KIF26B: variants seen among roughly 807,000 people sequenced by gnomAD.
KIF26B encodes the protein kinesin family member 26B.
In KIF26B, 63 loss-of-function variants were observed where a neutral mutation model predicts 151.2. The observed-to-expected ratio is 0.42, with a 90% CI of 0.34 to 0.51. KIF26B has a LOEUF of 0.51. Ranked by LOEUF, KIF26B falls within the 20% of genes least tolerant of loss-of-function variation. KIF26B has a pLI of 0.07. For synonymous variants in KIF26B, 1,357 were observed against 1,262.1 expected (o/e 1.08, Z -1.59); for missense variants, 2,813 against 2,913.6 (o/e 0.97, Z 0.79).
chr1:245,488,620 C>T lies in KIF26B; in HGVS notation c.1167-52147C>T, dbSNP rs563295118. Among the ~76,000 whole-genome samples the T allele has an allele frequency of 2.0e-5, 3 of 152,318 alleles. No individual in the cohort carries two copies. In the South Asian group the frequency reaches 6.2e-4, roughly 32 times the overall value. The stretch of plus-strand genomic sequence containing the variant: ...ATCGGAGCCACAGATGCTATCACTC[C>T]TCTGCCGTGGCCCCATCCTCCTCTG... On this transcript the variant is annotated intron_variant, in intron 4 of 14. Transcript: ENST00000407071. This position sits in a 1 kb window ranked among gnomAD's most constrained non-coding sequence, Gnocchi z 4.6.
At chr1:245,578,493 G>A (rs2043146279) in intron 5 of KIF26B, among the ~76,000 whole-genome samples, 1 of 152,250 alleles carries the variant, frequency 6.6e-6, no homozygotes, top group South Asian at 2.1e-4. Flanking sequence ...CCTGGTCACA[G>A]CTGTAGAGGA....
At chr1:245,164,870 C>T (rs546167113) in intron 2 of KIF26B, among the ~76,000 whole-genome samples, 2 of 152,150 alleles carry the variant, frequency 1.3e-5, no homozygotes, top group South Asian at 2.1e-4. Context: ...GTCAGGAGTT[C>T]GAGACCAGCC....
intron 10 of KIF26B, among the ~76,000 whole-genome samples, chr1:245,670,438 T>A (rs1370332245): frequency 3.3e-5 from 5 of 151,684 alleles, no homozygotes; most frequent in Admixed American, 3.3e-4. Flanking sequence ...TGATATATAT[T>A]GTGAAATTAT....
intron 2 of KIF26B, among the ~76,000 whole-genome samples, chr1:245,184,050 G>GTTTTGTTTTTT (rs1553332273): frequency 1.5e-4 from 3 of 19,800 alleles, no homozygotes; most frequent in Non-Finnish European, 3.0e-4. Context: ...GGGAGTTGTT[G>GTTTTGTTTTTT]TTTTTTTTTT....
chr1:245,533,047 T>C (rs1661410263), intron 4 of KIF26B, among the ~76,000 whole-genome samples: 1 of 152,252 alleles, frequency 6.6e-6, no homozygotes, highest in Non-Finnish European at 1.5e-5. Flanking sequence ...TCCCTATCCC[T>C]GCTGTTTATA....
intron 2 of KIF26B, among the ~76,000 whole-genome samples, chr1:245,282,635 C>G (rs985244457): frequency 1.3e-5 from 2 of 152,152 alleles, no homozygotes; most frequent in African/African-American, 4.8e-5. Context: ...CAAACCAATC[C>G]CCTAAGCCCT....
At chr1:245,557,690 G>A (rs771000691) in intron 5 of KIF26B, among the ~76,000 whole-genome samples, 1 of 152,190 alleles carries the variant, frequency 6.6e-6, no homozygotes, top group Non-Finnish European at 1.5e-5. Context: ...CTGTTCAAGA[G>A]ATGGGTATCA....
intron 5 of KIF26B, among the ~76,000 whole-genome samples, chr1:245,586,039 G>A (rs1174879993): frequency 6.6e-6 from 1 of 152,118 alleles, no homozygotes; most frequent in Non-Finnish European, 1.5e-5. Flanking sequence ...CTGTGACCCA[G>A]GCTGGAATGC....
intron 3 of KIF26B, among the ~76,000 whole-genome samples, chr1:245,409,241 T>C (rs968012828): frequency 6.6e-6 from 1 of 152,200 alleles, no homozygotes; most frequent in Non-Finnish European, 1.5e-5. Flanking sequence ...TTGATCTCTA[T>C]CTTAAGCCAC....
chr1:245,562,258 G>A (rs753927793), intron 5 of KIF26B, among the ~76,000 whole-genome samples: 1 of 151,998 alleles, frequency 6.6e-6, no homozygotes, highest in Non-Finnish European at 1.5e-5. Flanking sequence ...TTCGGTTTGT[G>A]GCTTTAATAT....
chr1:245,685,260 C>T (rs1392881966), intron 11 of KIF26B, 145 bp from the exon 12 acceptor site: 12 of 648,574 alleles, frequency 1.9e-5, no homozygotes, highest in South Asian at 3.9e-5. Flanking sequence ...CATGGCACCC[C>T]GAGTGGCCCA....
chr1:245,623,730 A>G (rs2043689747), intron 9 of KIF26B, among the ~76,000 whole-genome samples: 1 of 152,224 alleles, frequency 6.6e-6, no homozygotes, highest in Admixed American at 6.5e-5. Context: ...GGCTGTGTAT[A>G]TAAGGTATAT....
chr1:245,420,875 C>A (rs763009936), intron 4 of KIF26B, among the ~76,000 whole-genome samples: 4 of 152,156 alleles, frequency 2.6e-5, no homozygotes, highest in Non-Finnish European at 4.4e-5. Context: ...ATTAGGACAG[C>A]GGCAAGGCAG....
chr1:245,477,646 TGAG>T (rs767415551), intron 4 of KIF26B, among the ~76,000 whole-genome samples: 1 of 151,672 alleles, frequency 6.6e-6, no homozygotes, highest in South Asian at 2.1e-4. Flanking sequence ...TGGATATCTC[TGAG>T]GGAAAAGCAT....
intron 10 of KIF26B, among the ~76,000 whole-genome samples, chr1:245,669,721 C>T (rs1405971026): frequency 1.3e-5 from 2 of 152,144 alleles, no homozygotes; most frequent in African/African-American, 2.4e-5. Context: ...GTGTGCGTTG[C>T]TGGTGGGAAT....
At chr1:245,595,314 CTTA>C (rs2043327924) in intron 5 of KIF26B, among the ~76,000 whole-genome samples, 3 of 152,230 alleles carry the variant, frequency 2.0e-5, no homozygotes, top group Non-Finnish European at 4.4e-5. Flanking sequence ...ATAAATAGCT[CTTA>C]TTATTTTGAG....
chr1:245,584,646 G>A (rs1273558540), intron 5 of KIF26B, among the ~76,000 whole-genome samples: 1 of 152,130 alleles, frequency 6.6e-6, no homozygotes, highest in African/African-American at 2.4e-5. Flanking sequence ...TGAGGAAAGA[G>A]AAAAAGAAAA....
At chr1:245,395,145 C>T (rs1055900266) in intron 3 of KIF26B, among the ~76,000 whole-genome samples, 1 of 152,072 alleles carries the variant, frequency 6.6e-6, no homozygotes, top group African/African-American at 2.4e-5. Context: ...ATTTTGGCTC[C>T]AACATTGAGC....
chr1:245,159,767 A>AG (rs1264009988), intron 2 of KIF26B, among the ~76,000 whole-genome samples: 1 of 152,230 alleles, frequency 6.6e-6, no homozygotes, highest in Non-Finnish European at 1.5e-5. Context: ...GTGAAGTAGT[A>AG]GAGAGCCCAT....
Sources: allele counts gnomAD v4.1 joint callset (sites outside exome capture counted in the v4.1 genomes callset), GRCh38; gene constraint gnomAD v4.1.1; non-coding constraint Gnocchi (gnomAD v3.1); transcripts MANE v1.5; gene names NCBI Gene and HGNC (gene_info 2026-07-23, HGNC 2026-07-21).